The following ASXL2 variants were observed in gnomAD, a reference collection of about 807,000 sequenced individuals.
The protein encoded by ASXL2 is ASXL transcriptional regulator 2, also known as putative Polycomb group protein ASXL2.
Under a neutral mutation model 122.0 loss-of-function variants are expected in ASXL2, and 23 were observed. The observed-to-expected ratio is 0.19, with a 90% confidence interval of 0.14 to 0.27. ASXL2 has a LOEUF of 0.27. Among genes scored for constraint, ASXL2 ranks in the 10% least tolerant of loss-of-function variants. ASXL2 has a pLI of 1.00. For missense variants in ASXL2, 1,518 were observed against 1,713.8 expected (o/e 0.89, Z 2.02); for synonymous variants, 650 against 637.0 (o/e 1.02, Z -0.31).
chr2:25,773,935 C>T (rs2088503825), intron 5 of ASXL2, among the ~76,000 whole-genome samples: 1 of 151,830 alleles, frequency 6.6e-6, no homozygotes, highest in African/African-American at 2.4e-5. Flanking sequence ...GAGGCTGAGG[C>T]AGGAGAATCA....
At chr2:25,761,233 A>G (rs1435863651) in intron 8 of ASXL2, among the ~76,000 whole-genome samples, 5 of 152,254 alleles carry the variant, frequency 3.3e-5, no homozygotes, top group Admixed American at 3.3e-4. Flanking sequence ...AACTGATGAA[A>G]ACTACAAAAC....
chr2:25,783,404 TA>T (rs1193807469), intron 5 of ASXL2, among the ~76,000 whole-genome samples: 3,546 of 143,544 alleles, frequency 0.025, 118 homozygotes, highest in African/African-American at 0.074. Flanking sequence ...TTTTTTCCTT[TA>T]AAAAAAAAAA....
At chr2:25,868,305 T>C (rs1171792016) in intron 1 of ASXL2, among the ~76,000 whole-genome samples, 4 of 152,254 alleles carry the variant, frequency 2.6e-5, no homozygotes, top group Non-Finnish European at 5.9e-5. Flanking sequence ...AGGTTAAAGA[T>C]GACGTGGGCC....
chr2:25,781,633 G>T (rs1574413393), intron 5 of ASXL2, among the ~76,000 whole-genome samples: 6 of 133,618 alleles, frequency 4.5e-5, no homozygotes, highest in Admixed American at 7.7e-5. Context: ...GTATCCCCCT[G>T]TCTCCTAAGT....
chr2:25,772,251 C>T (rs12105027), intron 5 of ASXL2, among the ~76,000 whole-genome samples: 247 of 151,950 alleles, frequency 1.6e-3, no homozygotes, highest in African/African-American at 5.5e-3. Flanking sequence ...GTAGTGTTTA[C>T]GATAAATACA....
intron 3 of ASXL2, among the ~76,000 whole-genome samples, chr2:25,829,289 TACACACACACAC>T (rs148405440): frequency 2.1e-5 from 3 of 145,614 alleles, no homozygotes; most frequent in African/African-American, 7.5e-5. Context: ...CACATACACA[TACACACACACAC>T]ACACACACAC....
intron 3 of ASXL2, among the ~76,000 whole-genome samples, chr2:25,835,335 A>G (rs1168698745): frequency 6.6e-6 from 1 of 152,218 alleles, no homozygotes; most frequent in East Asian, 1.9e-4. Context: ...TGATCAAACA[A>G]TAATTACAAA....
chr2:25,753,410 A>C (rs919203), intron 11 of ASXL2, 124 bp downstream of exon 11: 35 of 634,540 alleles, frequency 5.5e-5, no homozygotes, highest in Admixed American at 3.0e-4. Flanking sequence ...AAAAAAAAAA[A>C]CAAAATAAAA....
chr2:25,781,413 GA>G (rs1040425810), intron 5 of ASXL2, among the ~76,000 whole-genome samples: 10 of 151,452 alleles, frequency 6.6e-5, no homozygotes, highest in African/African-American at 2.4e-4. Flanking sequence ...GAAAAGAAAA[GA>G]AAAAAAACAG....
At chr2:25,874,148 A>G (rs2089991450) in intron 1 of ASXL2, among the ~76,000 whole-genome samples, 1 of 152,092 alleles carries the variant, frequency 6.6e-6, no homozygotes, top group East Asian at 1.9e-4. Context: ...GTTCAAGACC[A>G]GCCTGGGAAA....
At chr2:25,842,769 CGTGTGT>C (rs70950126) in intron 2 of ASXL2, among the ~76,000 whole-genome samples, 317 of 145,068 alleles carry the variant, frequency 2.2e-3, no homozygotes, top group African/African-American at 3.8e-3. Context: ...CGTGTGTGCA[CGTGTGT>C]GTGTGTGTGT....
chr2:25,761,250 T>C (rs978281461), intron 8 of ASXL2, among the ~76,000 whole-genome samples: 3 of 152,106 alleles, frequency 2.0e-5, no homozygotes, highest in Non-Finnish European at 2.9e-5. Flanking sequence ...AAACTAAAGC[T>C]CTAGAAGTGG....
intron 5 of ASXL2, among the ~76,000 whole-genome samples, chr2:25,774,329 T>C (rs1288123446): frequency 1.3e-5 from 2 of 152,168 alleles, no homozygotes; most frequent in East Asian, 1.9e-4. Context: ...CTGAAGCTTT[T>C]TATATTTAAA....
chr2:25,761,790 A>C (rs577685062), intron 8 of ASXL2, among the ~76,000 whole-genome samples: 123 of 152,150 alleles, frequency 8.1e-4, no homozygotes, highest in Non-Finnish European at 1.4e-3. Context: ...TAATCTATAA[A>C]GGCATGTCCA....
intron 5 of ASXL2, among the ~76,000 whole-genome samples, chr2:25,779,957 T>A (rs796844053): frequency 6.0e-4 from 92 of 152,288 alleles, no homozygotes; most frequent in African/African-American, 2.1e-3. Context: ...AACCTCTGCC[T>A]CCCAGGTTCA....
At chr2:25,868,054 T>C (rs1485095613) in intron 1 of ASXL2, among the ~76,000 whole-genome samples, 1 of 152,238 alleles carries the variant, frequency 6.6e-6, no homozygotes, top group Non-Finnish European at 1.5e-5. Context: ...CTCAAGTGTA[T>C]CAGGATTGTG....
chr2:25,797,369 CA>C (rs893592575), intron 5 of ASXL2, among the ~76,000 whole-genome samples: 115 of 152,224 alleles, frequency 7.6e-4, no homozygotes, highest in African/African-American at 2.6e-3. Context: ...CCTTTGAACC[CA>C]GAAGGCGGAG....
At chr2:25,847,299 G>A (rs775396595) in intron 1 of ASXL2, among the ~76,000 whole-genome samples, 1 of 151,956 alleles carries the variant, frequency 6.6e-6, no homozygotes, top group South Asian at 2.1e-4. Context: ...TGTTCCCTTC[G>A]CAGACATCAC....
chr2:25,788,578 G>A (rs1187140284), intron 5 of ASXL2, among the ~76,000 whole-genome samples: 3 of 152,114 alleles, frequency 2.0e-5, no homozygotes, highest in Non-Finnish European at 2.9e-5. Context: ...TAAGAATCCC[G>A]TTATTTCACA....
Sources: allele counts gnomAD v4.1 joint callset (sites outside exome capture counted in the v4.1 genomes callset), GRCh38; gene constraint gnomAD v4.1.1; transcripts MANE v1.5; gene names NCBI Gene and HGNC (gene_info 2026-07-23, HGNC 2026-07-21).